PTPRK: variants seen among roughly 807,000 people sequenced by gnomAD.
PTPRK encodes protein tyrosine phosphatase receptor type K, also known as receptor-type tyrosine-protein phosphatase kappa.
Under a neutral mutation model 178.0 loss-of-function variants are expected in PTPRK, and 75 were observed. That is an observed-to-expected ratio of 0.42 (90% CI 0.35 to 0.51). The LOEUF is 0.51. Ranked by LOEUF, PTPRK falls within the 20% of genes least tolerant of loss-of-function variation. PTPRK has a pLI of 0.02. For missense variants in PTPRK, 1,441 were observed against 1,797.8 expected (o/e 0.80, Z 3.59); for synonymous variants, 637 against 620.6 (o/e 1.03, Z -0.39).
intron 3 of PTPRK, among the ~76,000 whole-genome samples, chr6:128,244,052 T>C (rs1464878156): frequency 2.6e-5 from 4 of 152,162 alleles, no homozygotes; most frequent in East Asian, 1.9e-4. Context: ...TTGTGAAATA[T>C]AGGACAACTC....
intron 5 of PTPRK, among the ~76,000 whole-genome samples, chr6:128,220,663 C>A (rs1211975413): frequency 6.6e-6 from 1 of 152,126 alleles, no homozygotes; most frequent in Non-Finnish European, 1.5e-5. Context: ...CACATTTGAA[C>A]CACCAGTGTA....
chr6:128,393,801 C>T (rs182397104), intron 2 of PTPRK, among the ~76,000 whole-genome samples: 21 of 152,208 alleles, frequency 1.4e-4, no homozygotes, highest in Admixed American at 1.2e-3. Context: ...ATTTTAGTTT[C>T]CCAGCCTTGT....
chr6:128,369,582 T>C (rs1835986842), intron 2 of PTPRK, among the ~76,000 whole-genome samples: 1 of 152,162 alleles, frequency 6.6e-6, no homozygotes, highest in Admixed American at 6.5e-5. Flanking sequence ...CAAAGAATTA[T>C]ATTTAGTAGG....
At chr6:128,203,151 A>G (rs1562783733) in intron 6 of PTPRK, among the ~76,000 whole-genome samples, 3 of 152,168 alleles carry the variant, frequency 2.0e-5, no homozygotes, top group Non-Finnish European at 4.4e-5. Context: ...ACTAAAGACA[A>G]AAAAACAAAA....
chr6:128,414,535 T>G (rs1842637709), intron 1 of PTPRK, among the ~76,000 whole-genome samples: 1 of 152,198 alleles, frequency 6.6e-6, no homozygotes, highest in Non-Finnish European at 1.5e-5. Flanking sequence ...TCACCTAAAT[T>G]TTTAAAAAAT....
intron 3 of PTPRK, among the ~76,000 whole-genome samples, chr6:128,253,941 G>A (rs892973447): frequency 1.3e-5 from 2 of 152,138 alleles, no homozygotes; most frequent in Non-Finnish European, 2.9e-5. Flanking sequence ...CCTACATACA[G>A]ACAAAGTTCA....
intron 13 of PTPRK, among the ~76,000 whole-genome samples, chr6:128,040,374 A>C (rs1008786275): frequency 6.6e-6 from 1 of 152,112 alleles, no homozygotes; most frequent in African/African-American, 2.4e-5. Flanking sequence ...AGGACAGTGA[A>C]ACCATCCCTA....
chr6:128,180,120 C>A (rs981078092), intron 7 of PTPRK, among the ~76,000 whole-genome samples: 14 of 152,040 alleles, frequency 9.2e-5, no homozygotes, highest in Non-Finnish European at 1.9e-4. Context: ...AGCAGTTCCA[C>A]AATGGGTTAC....
intron 16 of PTPRK, 74 bp downstream of exon 16, chr6:127,998,646 G>T: frequency 7.7e-7 from 1 of 1,292,648 alleles, no homozygotes. Context: ...GTTAAAGAGA[G>T]GGAAAAAAAT....
chr6:128,345,110 G>T (rs182988774), intron 2 of PTPRK, among the ~76,000 whole-genome samples: 2 of 151,438 alleles, frequency 1.3e-5, no homozygotes, highest in Admixed American at 6.6e-5. Context: ...TAAGAAGTCA[G>T]AGAGAGTTCT....
intron 2 of PTPRK, among the ~76,000 whole-genome samples, chr6:128,337,515 T>C (rs1831101454): frequency 6.6e-6 from 1 of 152,196 alleles, no homozygotes; most frequent in South Asian, 2.1e-4. Flanking sequence ...CTTATCTCCC[T>C]TAGCTCCTAT....
intron 6 of PTPRK, among the ~76,000 whole-genome samples, chr6:128,189,235 C>CTTTTTTTTTTTTTTTTTTTTTTTTT (rs71028115): frequency 1.5e-5 from 1 of 67,466 alleles, no homozygotes; most frequent in African/African-American, 6.1e-5. Context: ...TACTCTTTTT[C>CTTTTTTTTTTTTTTTTTTTTTTTTT]TTTTTTTTTT....
At chr6:128,511,192 A>G (rs1857130451) in intron 1 of PTPRK, among the ~76,000 whole-genome samples, 1 of 152,206 alleles carries the variant, frequency 6.6e-6, no homozygotes, top group East Asian at 1.9e-4. Flanking sequence ...AGCCTGCCAG[A>G]CACAAATTGC....
chr6:128,009,314 T>C, intron 13 of PTPRK, 46 bp from the exon 14 acceptor site: 1 of 1,565,744 alleles, frequency 6.4e-7, no homozygotes, highest in East Asian at 2.3e-5. Flanking sequence ...AAGCTAATAA[T>C]CACAGAAAAA....
intron 1 of PTPRK, among the ~76,000 whole-genome samples, chr6:128,414,335 C>T (rs150717381): frequency 7.2e-5 from 11 of 152,258 alleles, no homozygotes; most frequent in African/African-American, 2.4e-4. Context: ...AAATGATGAG[C>T]GTCTCCATCG....
chr6:128,002,876 T>C (rs1196253782), intron 15 of PTPRK, among the ~76,000 whole-genome samples: 1 of 151,922 alleles, frequency 6.6e-6, no homozygotes, highest in East Asian at 1.9e-4. Context: ...TCAGGCAACA[T>C]TGCACCCTGA....
chr6:128,491,840 A>G lies in PTPRK; in HGVS notation c.100+28419T>C, dbSNP rs746865699. The G allele has an allele frequency of 4.5e-5, 23 of 514,816 alleles. No homozygotes were observed. The Admixed American group carries it at 4.5e-4, about 10-fold the overall frequency. The allele number at this position is 514,816 out of a possible 1,614,324, so 31.9% of individuals were successfully genotyped here. ...ACAGCAGCAAAAGTTACCGACCACA[A>G]GCACAGACACTGAAAACGAAAGCGG... On this transcript the variant is annotated intron_variant, in intron 1 of 29. Transcript: ENST00000368226.
intron 2 of PTPRK, among the ~76,000 whole-genome samples, chr6:128,328,292 C>T (rs149271222): frequency 5.0e-4 from 76 of 152,210 alleles, no homozygotes; most frequent in African/African-American, 1.8e-3. Flanking sequence ...TTTTAAGCTC[C>T]GGGGCAATAA....
At chr6:128,307,862 A>T (rs72967056) in intron 3 of PTPRK, among the ~76,000 whole-genome samples, 1 of 152,164 alleles carries the variant, frequency 6.6e-6, no homozygotes, top group Admixed American at 6.5e-5. Flanking sequence ...TGGAATGCCA[A>T]TTGTTCAGTC....
Sources: gnomAD v4.1 joint callset for allele counts (sites outside exome capture counted in the v4.1 genomes callset) on GRCh38, gnomAD v4.1.1 for gene constraint, MANE v1.5 for transcripts, NCBI Gene and HGNC (gene_info 2026-07-23, HGNC 2026-07-21) for gene names.